The following ZFPM1 variants were observed in gnomAD, a reference collection of about 807,000 sequenced individuals.
ZFPM1 encodes the protein zinc finger protein ZFPM1.
Under a neutral mutation model 46.3 loss-of-function variants are expected in ZFPM1, and 28 were observed. That is an observed-to-expected ratio of 0.60 (90% CI 0.45 to 0.83). The LOEUF (loss-of-function observed/expected upper bound fraction) is 0.83, where lower values mean the gene tolerates loss of function less well. Among genes scored for constraint, ZFPM1 ranks in the 40% least tolerant of loss-of-function variants. The probability of loss-of-function intolerance (pLI) is 0.00; values close to 1 mark genes in which losing one functional copy is unlikely to be tolerated. For synonymous variants in ZFPM1, 957 were observed against 675.9 expected (o/e 1.42, Z -6.45); for missense variants, 1,878 against 1,432.4 (o/e 1.31, Z -5.02).
intron 6 of ZFPM1, 127 bp downstream of exon 6, chr16:88,528,365 G>T: frequency 8.9e-7 from 1 of 1,127,332 alleles, no homozygotes; most frequent in Non-Finnish European, 1.2e-6. Flanking sequence ...TGAGAGGTAA[G>T]GCAGGGAAGG....
chr16:88,517,944 C>G (rs1204001465), intron 4 of ZFPM1, among the ~76,000 whole-genome samples: 1 of 151,714 alleles, frequency 6.6e-6, no homozygotes, highest in Non-Finnish European at 1.5e-5. Flanking sequence ...GGCGCAGTGG[C>G]TCATGCCTGT....
chr16:88,534,506 G>T lies in ZFPM1; in HGVS notation c.2548G>T (p.Gly850Cys), dbSNP rs777441286. Residue 850 changes from glycine to cysteine, a missense_variant, in exon 10 of 10, where the codon GGC becomes TGC. By Grantham distance (159) the Gly-to-Cys change is radical. Transcript: ENST00000319555. The stretch of plus-strand genomic sequence containing the variant: ...CGCTGCGCCACCGCCCGGCGCGCTC[G>T]GCCTGCCCGCCGCCGCCTGCCCCTA... ...CPAAPPPGALGLPAAACPYCP... is the reference protein window; with the variant it reads ...CPAAPPPGALCLPAAACPYCP... 4.7e-4 allele frequency: 689 copies of T among 1,451,924 alleles called. 2 individuals are homozygous for T. The highest frequency in any genetic ancestry group is 5.8e-4 in the Non-Finnish European group (645 of 1,106,640). The allele number at this position is 1,451,924 out of a possible 1,614,324, so 89.9% of individuals were successfully genotyped here. A position where few individuals can be genotyped will look rare whatever the true frequency, so the allele number is the denominator to read the frequency against.
Position 88,467,022 on chromosome 16 carries a change from T to C in ZFPM1, c.40+13344T>C, listed in dbSNP as rs552423147. On this transcript the variant is annotated intron_variant, in intron 1 of 9. Transcript: ENST00000319555. ...CGAGGGTCCCTGGGGTGGGGCCACC[T>C]CTCCAAAGCCCTCTCTGCCCGCAGC... 4.6e-5 allele frequency among the ~76,000 whole-genome samples: 7 copies of C among 152,094 alleles called. No homozygotes were observed. In the East Asian group the frequency reaches 1.4e-3, roughly 29 times the overall value.
At chr16:88,467,116 G>T (rs1325477590) in intron 1 of ZFPM1, among the ~76,000 whole-genome samples, 3 of 152,256 alleles carry the variant, frequency 2.0e-5, no homozygotes, top group African/African-American at 4.8e-5. Context: ...GTGTGCCGAT[G>T]ACCTCAGTGA....
At chr16:88,496,689 C>T (rs948797569) in intron 3 of ZFPM1, among the ~76,000 whole-genome samples, 4 of 151,990 alleles carry the variant, frequency 2.6e-5, no homozygotes, top group African/African-American at 4.8e-5. Context: ...GGGGTGGGGA[C>T]GGGGACCCTC....
intron 4 of ZFPM1, chr16:88,516,396 C>G (rs1300200300): frequency 2.5e-6 from 1 of 397,636 alleles, no homozygotes; most frequent in African/African-American, 2.1e-5. Context: ...AGAAACGCTC[C>G]CAAGTGGGGA....
chr16:88,501,595 CTCCCGCAGGTACTGGTGATG>C lies in ZFPM1; in HGVS notation c.268+12443_268+12462del, dbSNP rs1910327378. Among the ~76,000 whole-genome samples the C allele has an allele frequency of 2.7e-4, 25 of 93,042 alleles. 1 individual carries two copies. The highest frequency in any genetic ancestry group is 1.0e-3 in the South Asian group (3 of 2,860). The allele number at this position is 93,042 out of a possible 152,430, so 61.0% of individuals were successfully genotyped here. A position where few individuals can be genotyped will look rare whatever the true frequency, so the allele number is the denominator to read the frequency against. ...GATAGCGGGTGTGGGTGCATGGGCT[CTCCCGCAGGTACTGGTGATG>C]ATGGAGATAGTGGGCCTGGGTGCGT... On this transcript the variant is annotated intron_variant, in intron 3 of 9. Coordinates refer to ENST00000319555, the MANE Select transcript of ZFPM1 (RefSeq NM_153813.3).
intron 4 of ZFPM1, among the ~76,000 whole-genome samples, 189 bp from the exon 5 acceptor site, chr16:88,526,625 C>A (rs760647991): frequency 6.6e-6 from 1 of 152,232 alleles, no homozygotes; most frequent in African/African-American, 2.4e-5. Flanking sequence ...TTAGCCCCAC[C>A]GGTCAACTAT....
chr16:88,476,128 G>A (rs1180668519), intron 1 of ZFPM1, among the ~76,000 whole-genome samples: 1 of 152,114 alleles, frequency 6.6e-6, no homozygotes, highest in Non-Finnish European at 1.5e-5. Flanking sequence ...CTTGCCATGG[G>A]CACCTTCGGC....
chr16:88,457,100 G>A (rs1001188132), intron 1 of ZFPM1, among the ~76,000 whole-genome samples: 1 of 152,268 alleles, frequency 6.6e-6, no homozygotes, highest in Non-Finnish European at 1.5e-5. Context: ...CTCCCCAGCA[G>A]CCCAACGCCC....
In ZFPM1 at chr16:88,533,497, G is replaced by C; in HGVS notation, c.1539G>C (p.Pro513=). The C allele has an allele frequency of 2.1e-6, 3 of 1,402,238 alleles. No individual in the cohort carries two copies. The highest frequency in any genetic ancestry group is 2.8e-6 in the Non-Finnish European group (3 of 1,083,708). The allele number at this position is 1,402,238 out of a possible 1,614,324, so 86.9% of individuals were successfully genotyped here. ...CCAGCCCCACGCCGGGCTCCAGCCC[G>C]GTGCCCGGCGAGCTGGGCCTGGCCG... ...ELSSPTPGSS[P]VPGELGLAGA... is the part of the protein sequence containing the mutation. The change falls in exon 10 of 10, where the codon CCG becomes CCC. Residue 513 remains proline, a synonymous_variant. Coordinates refer to ENST00000319555, the MANE Select transcript of ZFPM1 (RefSeq NM_153813.3).
intron 1 of ZFPM1, among the ~76,000 whole-genome samples, chr16:88,461,380 C>T (rs530706224): frequency 6.6e-6 from 1 of 152,244 alleles, no homozygotes; most frequent in South Asian, 2.1e-4. Context: ...CTCAGGGCTC[C>T]GGGTGGTTGC....
intron 9 of ZFPM1, 56 bp from the exon 10 acceptor site, chr16:88,533,092 T>C (rs1912928451): frequency 1.7e-6 from 2 of 1,196,400 alleles, no homozygotes; most frequent in East Asian, 5.5e-5. Context: ...CCTCCAGCTC[T>C]GACCGGCCAG....
rs1908881688 is a variant in ZFPM1 at position 88,480,460 on chromosome 16, A to T, written c.41-5479A>T. Among the ~76,000 whole-genome samples the T allele has an allele frequency of 6.6e-6, 1 of 152,082 alleles. No homozygotes were observed. Among genetic ancestry groups the T allele is most frequent in the African/African-American group, 2.4e-5 (1 of 41,400 alleles). On this transcript the variant is annotated intron_variant, in intron 1 of 9. Transcript: ENST00000319555. This position sits in a 1 kb window ranked among gnomAD's most constrained non-coding sequence, Gnocchi z 4.9. ...GAAAGAGCCGTGGTGCTGGTGGGGGAGGAGCGGGGCCGTGTGGCTGCCAGT... is the reference window on the plus strand; with the variant it reads ...GAAAGAGCCGTGGTGCTGGTGGGGGTGGAGCGGGGCCGTGTGGCTGCCAGT...
intron 3 of ZFPM1, among the ~76,000 whole-genome samples, chr16:88,509,011 G>A (rs1910809702): frequency 6.6e-6 from 1 of 152,176 alleles, no homozygotes; most frequent in Non-Finnish European, 1.5e-5. Context: ...CTGACCCCTG[G>A]CCACCCCGGT....
chr16:88,522,357 G>A (rs1343944892), intron 4 of ZFPM1, among the ~76,000 whole-genome samples: 1 of 152,182 alleles, frequency 6.6e-6, no homozygotes, highest in African/African-American at 2.4e-5. Context: ...GACGGGCTGG[G>A]GCCTCAGCAG....
At chr16:88,458,576 T>G (rs1328147692) in intron 1 of ZFPM1, among the ~76,000 whole-genome samples, 1 of 152,210 alleles carries the variant, frequency 6.6e-6, no homozygotes, top group African/African-American at 2.4e-5. Flanking sequence ...GGCTTGTGAA[T>G]AATACTCCCG....
intron 1 of ZFPM1, among the ~76,000 whole-genome samples, chr16:88,458,216 G>T (rs574068761): frequency 3.3e-4 from 50 of 152,334 alleles, no homozygotes; most frequent in Admixed American, 1.6e-3. Context: ...TCCGGCTTCT[G>T]TCTGCCCTGC....
chr16:88,463,148 G>A (rs1907975920), intron 1 of ZFPM1, among the ~76,000 whole-genome samples: 1 of 152,256 alleles, frequency 6.6e-6, no homozygotes, highest in Non-Finnish European at 1.5e-5. Flanking sequence ...CAGGAGCGGA[G>A]GAGGCCCCAG....
Sources: gnomAD v4.1 joint callset for allele counts (sites outside exome capture counted in the v4.1 genomes callset) on GRCh38, gnomAD v4.1.1 for gene constraint, Gnocchi (gnomAD v3.1) non-coding constraint, MANE v1.5 for transcripts, NCBI Gene and HGNC (gene_info 2026-07-23, HGNC 2026-07-21) for gene names.